Variants in CAB39 observed in about 807,000 individuals in gnomAD.
CAB39 encodes the protein calcium-binding protein 39.
In CAB39, 8 loss-of-function variants were observed where a neutral mutation model predicts 40.0. The observed-to-expected ratio is 0.20, with a 90% CI of 0.12 to 0.36. The LOEUF is 0.36. CAB39 is among the 10% of genes least tolerant of loss of function. The pLI is 1.00. For synonymous variants in CAB39, 156 were observed against 141.6 expected (o/e 1.10, Z -0.72); for missense variants, 270 against 401.1 (o/e 0.67, Z 2.79).
At chr2:230,748,826 AAAAAAATATATAT>A (rs1371818951) in intron 1 of CAB39, among the ~76,000 whole-genome samples, 25 of 70,560 alleles carry the variant, frequency 3.5e-4, no homozygotes, top group East Asian at 2.5e-3. Context: ...AAAAAAAAAA[AAAAAAATATATAT>A]ATATATATAT....
chr2:230,724,621 C>T (rs561496223), intron 1 of CAB39, among the ~76,000 whole-genome samples: 93 of 141,518 alleles, frequency 6.6e-4, no homozygotes, highest in African/African-American at 2.3e-3. Flanking sequence ...GCGGAGGTTG[C>T]GGTGAGCCAA....
In CAB39 at chr2:230,782,809, CTTTCT is replaced by C. The variant is rs1474905839; in HGVS notation, c.115-8059_115-8055del. On this transcript the variant is annotated intron_variant, in intron 2 of 8. Transcript: ENST00000258418. ...CTGCTGTTTCTTTCTTTCTTTCTTT[CTTTCT>C]TTTTTTTTTTTTTTTTTTGAGAAGA... Among the ~76,000 whole-genome samples the C allele has an allele frequency of 3.9e-4, 44 of 112,456 alleles. No homozygotes were observed. In the Middle Eastern group the frequency reaches 0.014, roughly 37 times the overall value. The allele number at this position is 112,456 out of a possible 152,430, so 73.8% of individuals were successfully genotyped here.
At chr2:230,777,205 A>AT (rs1213001598) in intron 2 of CAB39, among the ~76,000 whole-genome samples, 5 of 152,138 alleles carry the variant, frequency 3.3e-5, no homozygotes, top group African/African-American at 1.2e-4. Flanking sequence ...AAAGAAAAAA[A>AT]TTAAGTTTAT....
intron 1 of CAB39, among the ~76,000 whole-genome samples, chr2:230,721,943 G>T (rs1029447664): frequency 6.6e-6 from 1 of 151,948 alleles, no homozygotes; most frequent in Non-Finnish European, 1.5e-5. Flanking sequence ...CCTCTTATTT[G>T]CATACTTACT....
chr2:230,789,595 A>T (rs974180175), intron 2 of CAB39, among the ~76,000 whole-genome samples: 3 of 152,192 alleles, frequency 2.0e-5, no homozygotes, highest in African/African-American at 7.2e-5. Context: ...TTCCAGCCCC[A>T]TGTGAGCTCC....
At chr2:230,725,968 C>G (rs186592206) in intron 1 of CAB39, among the ~76,000 whole-genome samples, 1 of 152,108 alleles carries the variant, frequency 6.6e-6, no homozygotes, top group African/African-American at 2.4e-5. Context: ...AAGCTACATC[C>G]ATTTATTTAT....
chr2:230,806,735 G>A (rs893653136), intron 5 of CAB39, among the ~76,000 whole-genome samples: 1 of 152,202 alleles, frequency 6.6e-6, no homozygotes, highest in African/African-American at 2.4e-5. Flanking sequence ...CCCTAGCACA[G>A]GGAGAACTTT....
intron 2 of CAB39, among the ~76,000 whole-genome samples, chr2:230,783,806 TTA>T (rs1377541937): frequency 1.3e-5 from 2 of 152,184 alleles, no homozygotes; most frequent in African/African-American, 2.4e-5. Context: ...CCTGCCTCAA[TTA>T]AACACTTTTA....
intron 1 of CAB39, among the ~76,000 whole-genome samples, chr2:230,757,819 C>T (rs1165593716): frequency 1.3e-5 from 2 of 152,072 alleles, no homozygotes; most frequent in Non-Finnish European, 2.9e-5. Context: ...CCCCCCCACC[C>T]CCTGCCGCCC....
At chr2:230,813,389 A>C (rs1369926542) in intron 6 of CAB39, among the ~76,000 whole-genome samples, 1 of 152,062 alleles carries the variant, frequency 6.6e-6, no homozygotes, top group African/African-American at 2.4e-5. Context: ...CCGGGGCTTC[A>C]TTCATACTAT....
chr2:230,723,925 G>A (rs958906253), intron 1 of CAB39, among the ~76,000 whole-genome samples: 5 of 151,850 alleles, frequency 3.3e-5, no homozygotes, highest in South Asian at 2.1e-4. Flanking sequence ...CAGCGTCACC[G>A]CCACATACCA....
In CAB39 at chr2:230,728,255, T is replaced by A. The variant is rs565139684; in HGVS notation, c.-44+15025T>A. On this transcript the variant is annotated intron_variant, in intron 1 of 8. Transcript: ENST00000258418. The stretch of plus-strand genomic sequence containing the variant: ...TCCGTCTCAAAAATAAATAAATAAA[T>A]AAATAAATAAAAACTAGCCTAAACT... Among the ~76,000 whole-genome samples the A allele has an allele frequency of 4.0e-5, 6 of 151,768 alleles. No individual in the cohort carries two copies. The South Asian group carries it at 1.2e-3, about 32-fold the overall frequency.
At chr2:230,739,347 T>G (rs997729211) in intron 1 of CAB39, among the ~76,000 whole-genome samples, 1 of 152,236 alleles carries the variant, frequency 6.6e-6, no homozygotes, top group Non-Finnish European at 1.5e-5. Context: ...TAACTCTTAA[T>G]TTGTTAGGGT....
chr2:230,819,920 G>A lies in CAB39; in HGVS notation c.*1216G>A, dbSNP rs188170227. Reference sequence around the variant, plus strand: ...TTAGACTAAGTAACCCAGTACAATAGTTGTGAACTGAATAATTAAAACTTT... The same window carrying A: ...TTAGACTAAGTAACCCAGTACAATAATTGTGAACTGAATAATTAAAACTTT... On this transcript the variant is annotated 3_prime_UTR_variant, in exon 9 of 9. Coordinates refer to ENST00000258418, the MANE Select transcript of CAB39 (RefSeq NM_016289.4). The A allele has an allele frequency of 5.2e-5, 8 of 152,752 alleles. No homozygotes were observed. In the East Asian group the frequency reaches 1.3e-3, roughly 26 times the overall value. 9.5% of individuals were successfully genotyped at this position (152,752 alleles called of 1,614,324 possible). A position where few individuals can be genotyped will look rare whatever the true frequency, so the allele number is the denominator to read the frequency against.
intron 2 of CAB39, among the ~76,000 whole-genome samples, chr2:230,775,401 A>C (rs192179752): frequency 6.6e-6 from 1 of 151,636 alleles, no homozygotes; most frequent in African/African-American, 2.4e-5. Flanking sequence ...ATGCCCAGCT[A>C]ATTTTTGTGT....
chr2:230,772,173 A>T (rs1695493206), intron 2 of CAB39, among the ~76,000 whole-genome samples: 1 of 152,256 alleles, frequency 6.6e-6, no homozygotes, highest in South Asian at 2.1e-4. Flanking sequence ...CATATATCTG[A>T]TAAAAGACTG....
intron 1 of CAB39, among the ~76,000 whole-genome samples, chr2:230,729,793 T>C (rs1416669279): frequency 6.6e-6 from 1 of 151,270 alleles, no homozygotes; most frequent in Non-Finnish European, 1.5e-5. Context: ...CATAAAGATA[T>C]TTAATAATTG....
intron 2 of CAB39, chr2:230,779,073 A>C (rs1201140317): frequency 6.6e-6 from 1 of 152,230 alleles, no homozygotes; most frequent in Non-Finnish European, 1.5e-5. Flanking sequence ...TTACTACTTA[A>C]GTTGATCCTA....
intron 1 of CAB39, among the ~76,000 whole-genome samples, chr2:230,725,860 G>A (rs1214361019): frequency 6.6e-6 from 1 of 152,176 alleles, no homozygotes; most frequent in Non-Finnish European, 1.5e-5. Context: ...AAAGTTAAAA[G>A]TACAGTTTTT....
Sources: gnomAD v4.1 joint callset for allele counts (sites outside exome capture counted in the v4.1 genomes callset) on GRCh38, gnomAD v4.1.1 for gene constraint, MANE v1.5 for transcripts, NCBI Gene and HGNC (gene_info 2026-07-23, HGNC 2026-07-21) for gene names.